Variants in PRKN observed in about 807,000 individuals in gnomAD.
PRKN encodes the protein E3 ubiquitin-protein ligase parkin.
A neutral mutation model predicts 59.5 loss-of-function variants in PRKN; 56 were observed. The ratio of observed to expected loss-of-function variants is 0.94; its 90% confidence interval spans 0.76 to 1.18. The LOEUF (loss-of-function observed/expected upper bound fraction) is 1.18. Ranked by LOEUF, PRKN falls within the 50% of genes most tolerant of loss-of-function variation. PRKN has a pLI of 0.00. For missense variants in PRKN, 657 were observed against 596.4 expected (o/e 1.10, Z -1.06); for synonymous variants, 250 against 222.1 (o/e 1.13, Z -1.12).
intron 6 of PRKN, among the ~76,000 whole-genome samples, chr6:161,879,073 T>C (rs577974730): frequency 1.1e-4 from 16 of 152,254 alleles, no homozygotes; most frequent in African/African-American, 3.9e-4. Context: ...AAACCTTATA[T>C]CATTAGCATT....
intron 4 of PRKN, among the ~76,000 whole-genome samples, chr6:162,161,522 T>C (rs62437986): frequency 0.011 from 1,712 of 152,280 alleles, 26 homozygotes; most frequent in Middle Eastern, 0.031. Flanking sequence ...CTGAGTAGCA[T>C]GATGAAATCT....
chr6:162,319,140 C>T (rs755806627), intron 2 of PRKN, among the ~76,000 whole-genome samples: 13 of 151,554 alleles, frequency 8.6e-5, no homozygotes, highest in African/African-American at 3.2e-4. Flanking sequence ...TGTGTAATTA[C>T]GAAATAAGAA....
At chr6:161,923,580 C>G (rs887959165) in intron 6 of PRKN, among the ~76,000 whole-genome samples, 3 of 150,842 alleles carry the variant, frequency 2.0e-5, no homozygotes, top group African/African-American at 7.3e-5. Context: ...CACTTGTTAT[C>G]AATTTTGTGA....
chr6:161,682,834 G>A (rs1184102392), intron 7 of PRKN, among the ~76,000 whole-genome samples: 4 of 152,146 alleles, frequency 2.6e-5, no homozygotes, highest in African/African-American at 7.2e-5. Context: ...TAGAGGGTGA[G>A]CAGATGCCTG....
chr6:162,509,083 C>T lies in PRKN; in HGVS notation c.8-65610G>A, dbSNP rs78201968. 9.2e-3 allele frequency among the ~76,000 whole-genome samples: 1,399 copies of T among 152,256 alleles called. 21 individuals are homozygous for T. Among genetic ancestry groups the T allele is most frequent in the East Asian group, 0.064 (332 of 5,168 alleles). ...AAACTTCAAATAAATACTCATGATG[C>T]TTTGCAGATATCATTGTTGTGGCCA... On this transcript the variant is annotated intron_variant, in intron 1 of 11. Transcript: ENST00000366898.
At chr6:161,892,967 C>T (rs574656392) in intron 6 of PRKN, among the ~76,000 whole-genome samples, 4 of 152,100 alleles carry the variant, frequency 2.6e-5, no homozygotes, top group Non-Finnish European at 5.9e-5. Context: ...CTTGGCCTCC[C>T]GAGTAGCTGG....
intron 4 of PRKN, among the ~76,000 whole-genome samples, chr6:162,064,474 G>T (rs1323154528): frequency 6.6e-6 from 1 of 152,136 alleles, no homozygotes; most frequent in Non-Finnish European, 1.5e-5. Flanking sequence ...GGAAACAATA[G>T]TCTGTGATTT....
intron 7 of PRKN, among the ~76,000 whole-genome samples, chr6:161,723,288 T>C (rs567914666): frequency 1.3e-5 from 2 of 151,534 alleles, no homozygotes; most frequent in South Asian, 4.2e-4. Context: ...AAAAAGTGCA[T>C]GTCTACATGA....
intron 7 of PRKN, among the ~76,000 whole-genome samples, chr6:161,742,962 T>A (rs1788249999): frequency 6.6e-6 from 1 of 152,180 alleles, no homozygotes; most frequent in Non-Finnish European, 1.5e-5. Context: ...TTCCTGCTTC[T>A]GATAGAGAAT....
rs1785157202 is a variant in PRKN, at chr6:161,678,147, T to C, written c.871+107625A>G. The stretch of plus-strand genomic sequence containing the variant: ...ACTCTTTAAAGTAAGAGTCAAGAAA[T>C]AAAAGACATTTATTTGGGCTTAGAA... On this transcript the variant is annotated intron_variant, in intron 7 of 11. Coordinates refer to ENST00000366898, the MANE Select transcript of PRKN (RefSeq NM_004562.3). Among the ~76,000 whole-genome samples, 4 of 146,264 alleles carry C rather than the reference T, an allele frequency of 2.7e-5. No individual in the cohort carries two copies. The Admixed American group carries it at 2.7e-4, about 10-fold the overall frequency.
chr6:161,587,366 T>C (rs545985382), intron 7 of PRKN, among the ~76,000 whole-genome samples: 47 of 152,314 alleles, frequency 3.1e-4, no homozygotes, highest in African/African-American at 9.9e-4. Flanking sequence ...ATTTCCAGTA[T>C]AGTTTACAAA....
intron 4 of PRKN, among the ~76,000 whole-genome samples, chr6:162,149,540 A>G (rs983380864): frequency 2.0e-5 from 3 of 152,156 alleles, no homozygotes; most frequent in African/African-American, 7.2e-5. Context: ...CACCATGCCC[A>G]GCCAAGACTG....
chr6:161,963,158 A>C (rs1423947411), intron 6 of PRKN, among the ~76,000 whole-genome samples: 1 of 139,940 alleles, frequency 7.1e-6, no homozygotes, highest in Non-Finnish European at 1.5e-5. Flanking sequence ...CTCAAAACAA[A>C]AACAAACAAA....
chr6:161,953,009 T>C (rs1780045090), intron 6 of PRKN, among the ~76,000 whole-genome samples: 1 of 152,192 alleles, frequency 6.6e-6, no homozygotes. Flanking sequence ...CCACTGATCA[T>C]TGACTACACA....
At chr6:162,304,759 C>T (rs1241391008) in intron 2 of PRKN, among the ~76,000 whole-genome samples, 1 of 150,586 alleles carries the variant, frequency 6.6e-6, no homozygotes, top group East Asian at 1.9e-4. Context: ...TCTCAAGGGT[C>T]CTGGGGACCT....
intron 4 of PRKN, among the ~76,000 whole-genome samples, chr6:162,197,340 G>T (rs979422565): frequency 6.6e-6 from 1 of 152,160 alleles, no homozygotes; most frequent in East Asian, 1.9e-4. Flanking sequence ...TTTTGTTATT[G>T]AAAAATTGAA....
intron 6 of PRKN, among the ~76,000 whole-genome samples, chr6:161,843,575 C>T (rs980165047): frequency 6.6e-6 from 1 of 152,154 alleles, no homozygotes; most frequent in Non-Finnish European, 1.5e-5. Context: ...TACTTAAGGT[C>T]AGGAGTTTGA....
At chr6:161,733,800 A>ATATATATATATATATATATG (rs1562641848) in intron 7 of PRKN, among the ~76,000 whole-genome samples, 87 of 39,904 alleles carry the variant, frequency 2.2e-3, no homozygotes, top group Non-Finnish European at 4.4e-3. Context: ...ATATATATGT[A>ATATATATATATATATATATG]TATATATATA....
intron 5 of PRKN, among the ~76,000 whole-genome samples, chr6:162,038,977 A>C (rs2128281347): frequency 6.6e-6 from 1 of 151,702 alleles, no homozygotes. Context: ...ACAGTGTGAA[A>C]CCCCGTCTCT....
Sources: gnomAD v4.1 joint callset for allele counts (sites outside exome capture counted in the v4.1 genomes callset) on GRCh38, gnomAD v4.1.1 for gene constraint, MANE v1.5 for transcripts, NCBI Gene and HGNC (gene_info 2026-07-23, HGNC 2026-07-21) for gene names.